Variants in USP42 observed in about 807,000 individuals in gnomAD.
USP42 encodes the protein ubiquitin carboxyl-terminal hydrolase 42.
In USP42, 23 loss-of-function variants were observed where a neutral mutation model predicts 113.0. The observed-to-expected ratio is 0.20, with a 90% CI of 0.15 to 0.29. The LOEUF (loss-of-function observed/expected upper bound fraction) is 0.29, where lower values mean the gene tolerates loss of function less well. USP42 is among the 10% of genes least tolerant of loss of function. USP42 has a pLI of 1.00. For synonymous variants in USP42, 933 were observed against 699.0 expected, an observed-to-expected ratio of 1.33 and a Z score of -5.28; for missense variants, 2,174 against 1,779.8, an observed-to-expected ratio of 1.22 and a Z score of -3.99.
intron 3 of USP42, among the ~76,000 whole-genome samples, chr7:6,131,045 G>A (rs914410752): frequency 7.2e-5 from 11 of 152,136 alleles, no homozygotes; most frequent in Non-Finnish European, 4.4e-5. Context: ...TTGCCTCCTG[G>A]GGTGCACAGG....
chr7:6,099,789 C>T, the USP42 span, among the ~76,000 whole-genome samples: 2 of 150,440 alleles, frequency 1.3e-5, no homozygotes, highest in Admixed American at 1.3e-4. Context: ...ATGGTGAAAC[C>T]CCATCTCTAC....
At chr7:6,110,851 A>C in intron 1 of USP42, among the ~76,000 whole-genome samples, 1 of 152,242 alleles carries the variant, frequency 6.6e-6, no homozygotes, top group East Asian at 1.9e-4. Flanking sequence ...CCAGACTTTT[A>C]GGGGGCATGA....
intron 1 of USP42, among the ~76,000 whole-genome samples, chr7:6,109,695 C>A (rs1397681753): frequency 1.4e-5 from 2 of 146,896 alleles, no homozygotes; most frequent in Non-Finnish European, 3.0e-5. Context: ...TGCGCCCCGC[C>A]CGGCCTTTTT....
rs776967223 is a variant in USP42 at position 6,142,944 on chromosome 7, G to GTC, written c.809_810dup (p.Asn271SerfsTer9). 1 of 1,613,970 alleles carries GTC rather than the reference G, an allele frequency of 6.2e-7. No homozygotes were observed. On this transcript the variant is annotated frameshift_variant, in exon 8 of 18. Coordinates refer to ENST00000306177, the MANE Select transcript of USP42 (RefSeq NM_032172.3). LOFTEE classifies it high-confidence loss of function. Reference sequence around the variant, plus strand: ...CTTCTCTTCCCAGGCTGCTCAGAGTGTCAACAAGGCATTGGAGCAGTTTGT... The same window carrying GTC: ...CTTCTCTTCCCAGGCTGCTCAGAGTGTCTCAACAAGGCATTGGAGCAGTTTGT...
Position 6,159,791 on chromosome 7 carries a change from C to T in USP42, c.*36+298C>T, listed in dbSNP as rs1010137441. Among the ~76,000 whole-genome samples the T allele has an allele frequency of 6.6e-6, 1 of 152,260 alleles. No homozygotes were observed. The highest frequency in any genetic ancestry group is 2.4e-5 in the African/African-American group (1 of 41,470). On this transcript the variant is annotated intron_variant, in intron 17 of 17. Transcript: ENST00000306177. This position sits in a 1 kb window ranked among gnomAD's most constrained non-coding sequence, Gnocchi z 4.1. ...ACTTGGGAAAAGCCAACCCGGCTCA[C>T]AGCGGCAGAGCCCACGGGCCTTTGA...
chr7:6,097,586 TTTTTC>T, the USP42 span, among the ~76,000 whole-genome samples: 1 of 150,302 alleles, frequency 6.7e-6, no homozygotes, highest in African/African-American at 2.5e-5. Flanking sequence ...GGGTTATTTC[TTTTTC>T]TTTTCTTTTT....
Position 6,139,075 on chromosome 7 carries a change from T to C in USP42, c.554-17T>C. On this transcript the variant is annotated splice_polypyrimidine_tract_variant and intron_variant, in intron 4 of 17. Coordinates refer to ENST00000306177, the MANE Select transcript of USP42 (RefSeq NM_032172.3). The surrounding 1 kb of genome is among the most constrained non-coding windows in gnomAD (Gnocchi z 4.5). The stretch of plus-strand genomic sequence containing the variant: ...TACGTGTAATGATAAAGCCTTGTCT[T>C]TACCGAAATTTTACAGGTATAGCTA... 6.3e-7 allele frequency: 1 copy of C among 1,576,624 alleles called. No homozygotes were observed.
Position 6,159,503 on chromosome 7 carries a change from T to C in USP42, c.*36+10T>C, listed in dbSNP as rs2128529582. The stretch of plus-strand genomic sequence containing the variant: ...AAATTCACTAGTTATGGTAAGCTGT[T>C]TTCCTGTCTGTTTCCTCATTGTTTG... On this transcript the variant is annotated intron_variant, in intron 17 of 17. Coordinates refer to ENST00000306177, the MANE Select transcript of USP42 (RefSeq NM_032172.3). This position sits in a 1 kb window ranked among gnomAD's most constrained non-coding sequence, Gnocchi z 4.1. 4 of 1,612,834 alleles carry C rather than the reference T, an allele frequency of 2.5e-6. No homozygotes were observed. The highest frequency in any genetic ancestry group is 3.4e-6 in the Non-Finnish European group (4 of 1,178,894).
chr7:6,110,398 T>C (rs1779535479), intron 1 of USP42, among the ~76,000 whole-genome samples: 1 of 152,186 alleles, frequency 6.6e-6, no homozygotes, highest in African/African-American at 2.4e-5. Context: ...GCCCAGTACA[T>C]AGAAAATGCT....
rs780786114 is a variant in USP42 at position 6,153,892 on chromosome 7, G to A, written c.2338G>A (p.Asp780Asn). The A allele has an allele frequency of 1.9e-6, 3 of 1,582,912 alleles. No individual in the cohort carries two copies. In the East Asian group the frequency reaches 7.0e-5, roughly 37 times the overall value. ...CACCAAGAAGGCTCCGCCGCCCCGCGATCCCGGCACCCCCGCTACCAAAGA... is the reference window on the plus strand; with the variant it reads ...CACCAAGAAGGCTCCGCCGCCCCGCAATCCCGGCACCCCCGCTACCAAAGA... ...SSTKKAPPPR[D>N]PGTPATKEGA... The change falls in exon 15 of 18, where the codon GAT (aspartate) becomes AAT (asparagine). Residue 780 changes from aspartate to asparagine, a missense_variant. Transcript: ENST00000306177.
Position 6,159,151 on chromosome 7 carries a change from C to G in USP42, c.3944-299C>G, listed in dbSNP as rs752369543. 1.3e-5 allele frequency among the ~76,000 whole-genome samples: 2 copies of G among 152,222 alleles called. No individual in the cohort carries two copies. Among genetic ancestry groups the G allele is most frequent in the Non-Finnish European group, 2.9e-5 (2 of 68,034 alleles). ...CCCCTTGTCTTTCTCTTTCAAACTC[C>G]TCCTCTGGCTCTGTTCCGCCCAGTT... On this transcript the variant is annotated intron_variant, in intron 16 of 17. Coordinates refer to ENST00000306177, the MANE Select transcript of USP42 (RefSeq NM_032172.3). The surrounding 1 kb of genome is among the most constrained non-coding windows in gnomAD (Gnocchi z 4.1).
intron 14 of USP42, among the ~76,000 whole-genome samples, chr7:6,151,454 T>C (rs976177614): frequency 1.3e-5 from 2 of 152,274 alleles, no homozygotes; most frequent in Non-Finnish European, 2.9e-5. Context: ...TGTTTTTTTG[T>C]TTGAGACGGA....
chr7:6,088,625 C>T, the USP42 span, among the ~76,000 whole-genome samples: 105 of 151,426 alleles, frequency 6.9e-4, 4 homozygotes, highest in East Asian at 0.016. Context: ...CTGCCAACCC[C>T]GATTGACGTC....
chr7:6,085,787 G>T, the USP42 span, among the ~76,000 whole-genome samples: 1 of 149,944 alleles, frequency 6.7e-6, no homozygotes, highest in South Asian at 2.1e-4. Flanking sequence ...GCTAAATTTT[G>T]TATTTTTAGT....
Position 6,135,804 on chromosome 7 carries a change from A to C in USP42, c.443-37A>C. ...AGCCTTGATGTGTGTATATGGTTGT[A>C]TTTTGCTAATTTGGAGGATTATCAT... On this transcript the variant is annotated intron_variant, in intron 3 of 17. Transcript: ENST00000306177. 2.2e-6 allele frequency: 3 copies of C among 1,383,336 alleles called. No individual in the cohort carries two copies. In the South Asian group the frequency reaches 3.9e-5, roughly 18 times the overall value. The allele number at this position is 1,383,336 out of a possible 1,614,324, so 85.7% of individuals were successfully genotyped here. A position where few individuals can be genotyped will look rare whatever the true frequency, so the allele number is the denominator to read the frequency against.
chr7:6,133,534 A>G (rs1238289309), intron 3 of USP42, among the ~76,000 whole-genome samples: 2 of 152,032 alleles, frequency 1.3e-5, no homozygotes, highest in Non-Finnish European at 2.9e-5. Context: ...TATTTTTTTG[A>G]GACAGGATCT....
chr7:6,127,964 C>G (rs74985072), intron 3 of USP42, among the ~76,000 whole-genome samples: 5 of 151,726 alleles, frequency 3.3e-5, no homozygotes, highest in Non-Finnish European at 7.4e-5. Context: ...GTTCTGTGAC[C>G]CAGGCTTTGT....
chr7:6,116,939 G>A, intron 3 of USP42: 1 of 490,470 alleles, frequency 2.0e-6, no homozygotes, highest in South Asian at 1.6e-5. Flanking sequence ...TCCAGAATTA[G>A]GTGCCTATCT....
Position 6,160,645 on chromosome 7 carries a change from A to C in USP42, c.*127A>C, listed in dbSNP as rs569316048. ...GTTCCAATCTGCGTGGTGCTTCTTTAGTAAATACTGTACAGATTTTACCAT... is the reference window on the plus strand; with the variant it reads ...GTTCCAATCTGCGTGGTGCTTCTTTCGTAAATACTGTACAGATTTTACCAT... On this transcript the variant is annotated 3_prime_UTR_variant, in exon 18 of 18. Transcript: ENST00000306177. 1 of 152,814 alleles carries C rather than the reference A, an allele frequency of 6.5e-6. No homozygotes were observed. The highest frequency in any genetic ancestry group is 2.1e-4 in the South Asian group (1 of 4,832). 9.5% of individuals were successfully genotyped at this position (152,814 alleles called of 1,614,324 possible). A position where few individuals can be genotyped will look rare whatever the true frequency, so the allele number is the denominator to read the frequency against.
Sources: gnomAD v4.1 joint callset for allele counts (sites outside exome capture counted in the v4.1 genomes callset) on GRCh38, gnomAD v4.1.1 for gene constraint, Gnocchi (gnomAD v3.1) non-coding constraint, MANE v1.5 for transcripts, NCBI Gene and HGNC (gene_info 2026-07-23, HGNC 2026-07-21) for gene names.